Variants in NFATC2 observed in about 807,000 individuals in gnomAD.
NFATC2 encodes nuclear factor of activated T cells 2.
NFATC2 carries 22 observed loss-of-function variants against 87.3 expected under a neutral mutation model. The ratio of observed to expected loss-of-function variants is 0.25; its 90% confidence interval spans 0.18 to 0.36. The LOEUF (loss-of-function observed/expected upper bound fraction) is 0.36, where lower values mean the gene tolerates loss of function less well. Ranked by LOEUF, NFATC2 falls within the 10% of genes least tolerant of loss-of-function variation. The pLI, the probability that NFATC2 is intolerant of heterozygous loss-of-function variation, is 1.00. For missense variants in NFATC2, 1,149 were observed against 1,259.1 expected (o/e 0.91, Z 1.32); for synonymous variants, 565 against 542.2 (o/e 1.04, Z -0.58).
chr20:51,425,089 G>C (rs1307403863), intron 9 of NFATC2, among the ~76,000 whole-genome samples: 2 of 151,980 alleles, frequency 1.3e-5, no homozygotes, highest in African/African-American at 4.8e-5. Context: ...GGGGGTGGGG[G>C]GTTGGTAATA....
At position 51,492,398 on chromosome 20, in the gene NFATC2, C is replaced by T. The variant is rs928730184; in HGVS notation, c.1333-16738G>A. Among the ~76,000 whole-genome samples the T allele has an allele frequency of 3.3e-5, 5 of 152,332 alleles. No individual in the cohort carries two copies. The Middle Eastern group carries it at 0.01, about 311-fold the overall frequency. ...GCGTGAGTGCGGCATGACATGGGCA[C>T]GCCACCCCAGAGAAGTGGGCGCCTG... is the stretch of plus-strand genomic sequence containing the variant. On this transcript the variant is annotated intron_variant, in intron 3 of 10. Transcript: ENST00000371564.
At chr20:51,552,216 G>A (rs1430811288) in intron 1 of NFATC2, among the ~76,000 whole-genome samples, 1 of 152,170 alleles carries the variant, frequency 6.6e-6, no homozygotes, top group African/African-American at 2.4e-5. Flanking sequence ...GGCTGACGCT[G>A]CAGTGAGCCG....
intron 9 of NFATC2, among the ~76,000 whole-genome samples, chr20:51,402,748 T>C (rs1271776292): frequency 6.6e-6 from 1 of 152,206 alleles, no homozygotes; most frequent in African/African-American, 2.4e-5. Context: ...CCAGGTGGAT[T>C]AGCAGGTGGG....
upstream of NFATC2, among the ~76,000 whole-genome samples, chr20:51,547,042 A>G (rs2146822517): frequency 6.6e-6 from 1 of 152,318 alleles, no homozygotes; most frequent in Middle Eastern, 3.4e-3. Context: ...CCAGGAGACC[A>G]TGTTGAGAGT....
chr20:51,469,879 C>G (rs1047103258), intron 5 of NFATC2, among the ~76,000 whole-genome samples: 2 of 152,212 alleles, frequency 1.3e-5, no homozygotes, highest in African/African-American at 4.8e-5. Flanking sequence ...GCCTCCAGAA[C>G]AGTGAGAGAA....
rs1421891848 is a variant in NFATC2, at chr20:51,388,657, C to G, written c.*2839G>C. The G allele has an allele frequency of 6.6e-6, 1 of 152,142 alleles. No individual in the cohort carries two copies. The highest frequency in any genetic ancestry group is 2.4e-5 in the African/African-American group (1 of 41,418). The allele number at this position is 152,142 out of a possible 1,614,324, so 9.4% of individuals were successfully genotyped here. On this transcript the variant is annotated 3_prime_UTR_variant, in exon 11 of 11. Coordinates refer to ENST00000371564, the MANE Select transcript of NFATC2 (RefSeq NM_012340.5). Reference sequence around the variant, plus strand: ...TAAGAAAATAAAATTTAATAACATACTAATCTGGATTGCTATACATATTAT... The same window carrying G: ...TAAGAAAATAAAATTTAATAACATAGTAATCTGGATTGCTATACATATTAT...
At chr20:51,490,174 C>T (rs760952596) in intron 3 of NFATC2, among the ~76,000 whole-genome samples, 5 of 152,166 alleles carry the variant, frequency 3.3e-5, no homozygotes, top group Admixed American at 6.5e-5. Context: ...TTGCTAAATA[C>T]AGGGCATTGT....
chr20:51,529,392 G>A (rs2076597476), intron 1 of NFATC2, among the ~76,000 whole-genome samples: 1 of 151,222 alleles, frequency 6.6e-6, no homozygotes, highest in African/African-American at 2.4e-5. Context: ...GACTTTAAAT[G>A]TTTACCAGCA....
At chr20:51,449,282 G>T (rs1240525159) in intron 6 of NFATC2, among the ~76,000 whole-genome samples, 1 of 152,122 alleles carries the variant, frequency 6.6e-6, no homozygotes, top group Non-Finnish European at 1.5e-5. Flanking sequence ...CCTGCAGAAG[G>T]CGTCCCGGGC....
intron 3 of NFATC2, among the ~76,000 whole-genome samples, chr20:51,486,553 CTAAGTGT>C (rs1314843396): frequency 6.6e-6 from 1 of 152,078 alleles, no homozygotes; most frequent in Non-Finnish European, 1.5e-5. Flanking sequence ...CCTGACTGTG[CTAAGTGT>C]TACTTTATGT....
At chr20:51,550,483 C>T (rs938953591) in intron 1 of NFATC2, among the ~76,000 whole-genome samples, 20 of 151,262 alleles carry the variant, frequency 1.3e-4, no homozygotes, top group Admixed American at 1.1e-3. Flanking sequence ...TCCAGCTACT[C>T]GGGAGGCTGA....
At chr20:51,500,957 C>T (rs2076080526) in intron 3 of NFATC2, among the ~76,000 whole-genome samples, 1 of 145,944 alleles carries the variant, frequency 6.9e-6, no homozygotes, top group African/African-American at 2.6e-5. Context: ...AGCAGAAACA[C>T]CTTTCTTGCT....
At chr20:51,411,416 A>G (rs1296734754) in intron 9 of NFATC2, among the ~76,000 whole-genome samples, 1 of 151,326 alleles carries the variant, frequency 6.6e-6, no homozygotes, top group Non-Finnish European at 1.5e-5. Flanking sequence ...TTCTTTATCC[A>G]TGCACACACA....
chr20:51,396,869 G>A (rs575099064), intron 10 of NFATC2, among the ~76,000 whole-genome samples: 37 of 152,112 alleles, frequency 2.4e-4, no homozygotes, highest in Non-Finnish European at 4.0e-4. Flanking sequence ...GACTCTGAAG[G>A]CCAAGAGGTA....
At chr20:51,476,124 C>T (rs929077851) in intron 3 of NFATC2, among the ~76,000 whole-genome samples, 3 of 148,080 alleles carry the variant, frequency 2.0e-5, no homozygotes, top group East Asian at 2.0e-4. Flanking sequence ...ATGTGCACAA[C>T]GTGCAGGTTA....
chr20:51,490,697 G>C (rs1187657869), intron 3 of NFATC2, among the ~76,000 whole-genome samples: 1 of 152,200 alleles, frequency 6.6e-6, no homozygotes. Context: ...GCACATGCCT[G>C]TAGTCCCAGC....
chr20:51,457,333 C>G (rs150390823), intron 5 of NFATC2, among the ~76,000 whole-genome samples: 201 of 152,328 alleles, frequency 1.3e-3, no homozygotes, highest in African/African-American at 4.6e-3. Flanking sequence ...CCTGAGTCAT[C>G]GCTACTGGGC....
intron 3 of NFATC2, among the ~76,000 whole-genome samples, chr20:51,499,294 C>T (rs1210271338): frequency 1.3e-5 from 2 of 152,064 alleles, no homozygotes; most frequent in South Asian, 2.1e-4. Context: ...GCTAGCTTGG[C>T]CCCAGGTGAC....
intron 6 of NFATC2, among the ~76,000 whole-genome samples, chr20:51,452,595 G>A (rs1200950237): frequency 6.6e-6 from 1 of 152,182 alleles, no homozygotes; most frequent in Non-Finnish European, 1.5e-5. Flanking sequence ...ATGGGTACAT[G>A]AGACTCAACG....
Sources: allele counts gnomAD v4.1 joint callset (sites outside exome capture counted in the v4.1 genomes callset), GRCh38; gene constraint gnomAD v4.1.1; transcripts MANE v1.5; gene names NCBI Gene and HGNC (gene_info 2026-07-23, HGNC 2026-07-21).